DTD1: variants seen among roughly 807,000 people sequenced by gnomAD.
The protein encoded by DTD1 is D-tyrosyl-tRNA deacylase 1 homolog.
A neutral mutation model predicts 25.6 loss-of-function variants in DTD1; 13 were observed. That is an observed-to-expected ratio of 0.51 (90% CI 0.33 to 0.81). DTD1 has a LOEUF of 0.81. DTD1 is among the 30% of genes least tolerant of loss of function. The pLI is 0.02. For missense variants in DTD1, 193 were observed against 266.4 expected, an observed-to-expected ratio of 0.72 and a Z score of 1.92; for synonymous variants, 110 against 103.6, an observed-to-expected ratio of 1.06 and a Z score of -0.37.
chr20:18,661,979 C>G (rs968229875), intron 4 of DTD1, among the ~76,000 whole-genome samples: 16 of 152,186 alleles, frequency 1.1e-4, no homozygotes, highest in Non-Finnish European at 1.8e-4. Flanking sequence ...TAGTGAGACC[C>G]TGTCTCTACA....
rs116213384 is a variant in DTD1 at position 18,738,509 on chromosome 20, A to G, written c.478-5591A>G. Among the ~76,000 whole-genome samples the G allele has an allele frequency of 2.0e-3, 301 of 152,232 alleles. 1 individual carries two copies. Among genetic ancestry groups the G allele is most frequent in the African/African-American group, 7.1e-3 (295 of 41,530 alleles). On this transcript the variant is annotated intron_variant, in intron 4 of 5. Coordinates refer to ENST00000377452, the MANE Select transcript of DTD1 (RefSeq NM_080820.6). ...TCCAGAGACTTCTGTGCACCTCTGG[A>G]TGTCCCCTCCTCGTTTTGAGAGCTG...
chr20:18,728,742 C>T (rs1213686548), intron 4 of DTD1, among the ~76,000 whole-genome samples: 1 of 152,058 alleles, frequency 6.6e-6, no homozygotes, highest in Non-Finnish European at 1.5e-5. Context: ...TCTCAGAGCA[C>T]AAAGCAGTGC....
intron 4 of DTD1, among the ~76,000 whole-genome samples, chr20:18,713,729 G>T (rs6136486): frequency 0.31 from 46,972 of 152,072 alleles, 7,867 homozygotes; most frequent in Non-Finnish European, 0.38. Flanking sequence ...TCTAGACTAA[G>T]GTTTCTCTCT....
rs538838553 is a variant in DTD1 at position 18,764,920 on chromosome 20, G to A, written c.*1580G>A. On this transcript the variant is annotated 3_prime_UTR_variant, in exon 6 of 6. Coordinates refer to ENST00000377452, the MANE Select transcript of DTD1 (RefSeq NM_080820.6). ...GTAGGGTTTGGCTTGCTGGATAACTGTCATGTTTCTCCACCACAGCATTTT... is the reference window on the plus strand; with the variant it reads ...GTAGGGTTTGGCTTGCTGGATAACTATCATGTTTCTCCACCACAGCATTTT... 1.2e-4 allele frequency: 19 copies of A among 152,332 alleles called. No individual in the cohort carries two copies. The highest frequency in any genetic ancestry group is 4.1e-4 in the African/African-American group (17 of 41,592). 9.4% of individuals were successfully genotyped at this position (152,332 alleles called of 1,614,324 possible).
At chr20:18,712,530 T>C (rs2061163374) in intron 4 of DTD1, among the ~76,000 whole-genome samples, 1 of 152,098 alleles carries the variant, frequency 6.6e-6, no homozygotes, top group Non-Finnish European at 1.5e-5. Flanking sequence ...AATGGAATCA[T>C]TGGATCATAA....
At chr20:18,729,623 G>A (rs552337766) in intron 4 of DTD1, among the ~76,000 whole-genome samples, 3 of 152,232 alleles carry the variant, frequency 2.0e-5, no homozygotes, top group Non-Finnish European at 4.4e-5. Context: ...GCAAAGCCAT[G>A]ACTAAAAATG....
chr20:18,694,270 G>A (rs1406177210), intron 4 of DTD1, among the ~76,000 whole-genome samples: 2 of 152,148 alleles, frequency 1.3e-5, no homozygotes, highest in Non-Finnish European at 2.9e-5. Context: ...GGCTCCCTGG[G>A]GATACAGGAG....
intron 1 of DTD1, chr20:18,588,930 T>C (rs2060577703): frequency 7.5e-6 from 7 of 939,084 alleles, no homozygotes; most frequent in Non-Finnish European, 7.6e-6. Flanking sequence ...AAGCTTTATA[T>C]TGTCTTTAGT....
At chr20:18,756,356 C>G (rs1246365779) in intron 5 of DTD1, among the ~76,000 whole-genome samples, 2 of 152,098 alleles carry the variant, frequency 1.3e-5, no homozygotes, top group African/African-American at 4.8e-5. Flanking sequence ...ATGCCTATGT[C>G]CTGAATTGTA....
In DTD1 at chr20:18,764,914, A is replaced by T. The variant is rs970592473; in HGVS notation, c.*1574A>T. On this transcript the variant is annotated 3_prime_UTR_variant, in exon 6 of 6. Coordinates refer to ENST00000377452, the MANE Select transcript of DTD1 (RefSeq NM_080820.6). ...TCAGTTGTAGGGTTTGGCTTGCTGG[A>T]TAACTGTCATGTTTCTCCACCACAG... 6.6e-6 allele frequency: 1 copy of T among 152,244 alleles called. No individual in the cohort carries two copies. Among genetic ancestry groups the T allele is most frequent in the African/African-American group, 2.4e-5 (1 of 41,472 alleles). 9.4% of individuals were successfully genotyped at this position (152,244 alleles called of 1,614,324 possible). A position where few individuals can be genotyped will look rare whatever the true frequency, so the allele number is the denominator to read the frequency against.
rs187398248 is a variant in DTD1 at position 18,688,887 on chromosome 20, G to C, written c.478-55213G>C. ...ATCCTCATTCCCTGGGGTGGCCTGT[G>C]GGGGGTGGGGAGGTATGTGTTAGCA... On this transcript the variant is annotated intron_variant, in intron 4 of 5. Coordinates refer to ENST00000377452, the MANE Select transcript of DTD1 (RefSeq NM_080820.6). 1.6e-4 allele frequency among the ~76,000 whole-genome samples: 25 copies of C among 152,160 alleles called. No individual in the cohort carries two copies. The South Asian group carries it at 2.5e-3, about 15-fold the overall frequency.
chr20:18,697,523 T>C (rs780742988), intron 4 of DTD1, among the ~76,000 whole-genome samples: 107 of 152,338 alleles, frequency 7.0e-4, no homozygotes, highest in Middle Eastern at 3.4e-3. Flanking sequence ...ATTATACTTA[T>C]TGGTTGAGCA....
chr20:18,588,792 C>A (rs893879681), intron 1 of DTD1: 112 of 985,324 alleles, frequency 1.1e-4, no homozygotes, highest in South Asian at 9.9e-4. Context: ...AGCTACCCGA[C>A]CCCTGGTCAT....
chr20:18,708,295 A>T (rs1489617862), intron 4 of DTD1, among the ~76,000 whole-genome samples: 4 of 59,222 alleles, frequency 6.8e-5, no homozygotes, highest in African/African-American at 2.1e-4. Flanking sequence ...TTATATATAT[A>T]TAATATATAT....
chr20:18,692,286 T>C (rs549900645), intron 4 of DTD1, among the ~76,000 whole-genome samples: 2 of 152,352 alleles, frequency 1.3e-5, no homozygotes, highest in East Asian at 1.9e-4. Context: ...ATGCCTTGTT[T>C]GTAAGTGATG....
intron 4 of DTD1, among the ~76,000 whole-genome samples, chr20:18,656,029 C>G (rs560567684): frequency 4.3e-4 from 65 of 152,294 alleles, no homozygotes; most frequent in African/African-American, 1.6e-3. Context: ...TCTCAGCCTT[C>G]CAAAGTGCTG....
intron 4 of DTD1, among the ~76,000 whole-genome samples, chr20:18,734,358 A>G (rs2122508867): frequency 6.6e-6 from 1 of 152,338 alleles, no homozygotes; most frequent in South Asian, 2.1e-4. Flanking sequence ...CTCTATACGA[A>G]GTTGACACAT....
At chr20:18,760,064 G>A (rs1347680646) in intron 5 of DTD1, among the ~76,000 whole-genome samples, 4 of 152,118 alleles carry the variant, frequency 2.6e-5, no homozygotes, top group South Asian at 2.1e-4. Context: ...CATAGTTCTC[G>A]TGTCGTGGTT....
At position 18,760,871 on chromosome 20, in the gene DTD1, G is replaced by A. The variant is rs367899935; in HGVS notation, c.*20-2489G>A. Among the ~76,000 whole-genome samples the A allele has an allele frequency of 3.3e-5, 5 of 152,138 alleles. No homozygotes were observed. The East Asian group carries it at 5.8e-4, about 18-fold the overall frequency. On this transcript the variant is annotated intron_variant, in intron 5 of 5. Coordinates refer to ENST00000377452, the MANE Select transcript of DTD1 (RefSeq NM_080820.6). ...AGGCAGGCAGGCCTCCTTGAGCTGC[G>A]GTGGGCTCCACCCAGTTCGAGCTTC...
Sources: allele counts gnomAD v4.1 joint callset (sites outside exome capture counted in the v4.1 genomes callset), GRCh38; gene constraint gnomAD v4.1.1; transcripts MANE v1.5; gene names NCBI Gene and HGNC (gene_info 2026-07-23, HGNC 2026-07-21).